SH3KBP1: variants seen among roughly 807,000 people sequenced by gnomAD.
SH3KBP1 encodes the protein SH3 domain-containing kinase-binding protein 1.
In SH3KBP1, 8 loss-of-function variants were observed where a neutral mutation model predicts 50.1. That is an observed-to-expected ratio of 0.16 (90% confidence interval 0.09 to 0.29). The LOEUF (loss-of-function observed/expected upper bound fraction) is 0.29. Among genes scored for constraint, SH3KBP1 ranks in the 10% least tolerant of loss-of-function variants. The pLI, the probability that SH3KBP1 is intolerant of heterozygous loss-of-function variation, is 1.00. For missense variants in SH3KBP1, 377 were observed against 535.2 expected (o/e 0.70, Z 2.92); for synonymous variants, 227 against 218.6 (o/e 1.04, Z -0.34).
intron 1 of SH3KBP1, among the ~76,000 whole-genome samples, chrX:19,880,865 G>C (rs941407639): frequency 9.8e-5 from 11 of 111,835 alleles, no homozygotes; most frequent in Non-Finnish European, 1.9e-4. Context: ...GCTGGGGTAC[G>C]AGTGAAGGAG....
At chrX:19,675,252 A>G (rs925073559) in intron 6 of SH3KBP1, among the ~76,000 whole-genome samples, 17 of 111,003 alleles carry the variant, frequency 1.5e-4, no homozygotes, top group African/African-American at 5.6e-4. Flanking sequence ...ATGTTACTTA[A>G]TCCTCACAAC....
At position 19,726,911 on chromosome X, in the gene SH3KBP1, GTTTATC is replaced by G. The variant is rs973866465; in HGVS notation, c.286+19401_286+19406del. Among the ~76,000 whole-genome samples the G allele has an allele frequency of 4.5e-5, 5 of 112,007 alleles. No individual in the cohort carries two copies. In the Admixed American group the frequency reaches 4.7e-4, roughly 11 times the overall value. Reference sequence around the variant, plus strand: ...ATTAATTTTTTACTTATTGTACTATGTTTATCTTTAACTAACAAATAAAAATGAAAA... The same window carrying G: ...ATTAATTTTTTACTTATTGTACTATGTTTAACTAACAAATAAAAATGAAAA... On this transcript the variant is annotated intron_variant, in intron 3 of 17. Coordinates refer to ENST00000397821, the MANE Select transcript of SH3KBP1 (RefSeq NM_031892.3).
At chrX:19,721,970 C>A (rs1309452642) in intron 3 of SH3KBP1, among the ~76,000 whole-genome samples, 1 of 111,744 alleles carries the variant, frequency 8.9e-6, no homozygotes, top group East Asian at 2.8e-4. Flanking sequence ...CCACTGCACT[C>A]CAGCCTGGGC....
chrX:19,877,270 A>G (rs377573374), intron 1 of SH3KBP1, among the ~76,000 whole-genome samples: 19 of 112,273 alleles, frequency 1.7e-4, no homozygotes, highest in Admixed American at 2.8e-4. Context: ...GGAGAAAGGC[A>G]AAGTTCATTT....
chrX:19,675,592 G>C (rs1351485648), intron 6 of SH3KBP1, among the ~76,000 whole-genome samples: 1 of 110,527 alleles, frequency 9.0e-6, no homozygotes, highest in Non-Finnish European at 1.9e-5. Flanking sequence ...TTTTAGTAGA[G>C]ACTGGGTTTC....
Position 19,869,308 on chromosome X carries a change from A to G in SH3KBP1, c.4+17999T>C, listed in dbSNP as rs188178162. 6.2e-5 allele frequency among the ~76,000 whole-genome samples: 7 copies of G among 112,734 alleles called. No individual in the cohort carries two copies. In the East Asian group the frequency reaches 1.9e-3, roughly 31 times the overall value. On this transcript the variant is annotated intron_variant, in intron 1 of 17. Transcript: ENST00000397821. ...TCTGCCTTCAGATTTTGCTGGGCAC[A>G]TGGTTACACAGCTGGAGCCTGTTTC... is the stretch of plus-strand genomic sequence containing the variant.
intron 14 of SH3KBP1, among the ~76,000 whole-genome samples, chrX:19,547,131 G>GAA (rs1695514739): frequency 9.7e-6 from 1 of 103,591 alleles, no homozygotes; most frequent in Non-Finnish European, 1.9e-5. Flanking sequence ...CTCCAGCCTG[G>GAA]ACAAAAGAGT....
intron 3 of SH3KBP1, among the ~76,000 whole-genome samples, chrX:19,711,720 C>A (rs1035630996): frequency 9.0e-6 from 1 of 110,700 alleles, no homozygotes; most frequent in Non-Finnish European, 1.9e-5. Context: ...ATCCTTACCA[C>A]ATACCTGGGG....
intron 3 of SH3KBP1, among the ~76,000 whole-genome samples, chrX:19,717,699 C>CTCAT (rs1186022618): frequency 8.9e-6 from 1 of 112,016 alleles, no homozygotes; most frequent in African/African-American, 3.3e-5. Flanking sequence ...AATTGACCAA[C>CTCAT]TCATTCTCCA....
Position 19,745,433 on chromosome X carries a change from A to G in SH3KBP1, c.286+885T>C, listed in dbSNP as rs1032460562. 2.7e-5 allele frequency among the ~76,000 whole-genome samples: 3 copies of G among 112,381 alleles called. 1 individual carries two copies. On this transcript the variant is annotated intron_variant, in intron 3 of 17. Transcript: ENST00000397821. ...TTATCCTGTCTAAATTTTATGAAAG[A>G]TTAGCTGTTCTTCCTCCCCATGGTT... is the stretch of plus-strand genomic sequence containing the variant.
At chrX:19,667,500 A>C (rs1343923402) in intron 6 of SH3KBP1, among the ~76,000 whole-genome samples, 1 of 110,874 alleles carries the variant, frequency 9.0e-6, no homozygotes, top group East Asian at 2.8e-4. Flanking sequence ...ATGGTGGCTC[A>C]TGTCTGCACT....
chrX:19,755,899 G>A (rs2148844082), intron 2 of SH3KBP1, among the ~76,000 whole-genome samples: 1 of 111,446 alleles, frequency 9.0e-6, no homozygotes, highest in African/African-American at 3.3e-5. Context: ...CCCCAGTCAC[G>A]TACCCCCTGC....
At chrX:19,698,304 T>C (rs2063467933) in intron 4 of SH3KBP1, among the ~76,000 whole-genome samples, 1 of 112,092 alleles carries the variant, frequency 8.9e-6, no homozygotes, top group Non-Finnish European at 1.9e-5. Context: ...CCCACTTAGT[T>C]TGAAGATGTC....
intron 1 of SH3KBP1, among the ~76,000 whole-genome samples, chrX:19,846,464 G>C (rs1255295109): frequency 8.9e-6 from 1 of 112,214 alleles, no homozygotes; most frequent in African/African-American, 3.2e-5. Context: ...ATATTTGACA[G>C]TGTTACATAA....
At chrX:19,695,782 G>A in intron 4 of SH3KBP1, 41 bp from the exon 5 acceptor site, 2 of 1,194,216 alleles carry the variant, frequency 1.7e-6, no homozygotes, top group Non-Finnish European at 2.3e-6. Flanking sequence ...ACATGGGTCA[G>A]GTTAGACATG....
At chrX:19,655,600 G>A (rs984537934) in intron 6 of SH3KBP1, among the ~76,000 whole-genome samples, 1 of 111,566 alleles carries the variant, frequency 9.0e-6, no homozygotes, top group African/African-American at 3.3e-5. Context: ...TTATTTATTA[G>A]AGGGAGCTAA....
At chrX:19,695,494 A>C in intron 5 of SH3KBP1, 118 bp downstream of exon 5, 1 of 944,743 alleles carries the variant, frequency 1.1e-6, no homozygotes, top group Non-Finnish European at 1.5e-6. Flanking sequence ...ATAACCAAAA[A>C]AATACTCGTA....
At chrX:19,847,460 A>T (rs36068457) in intron 1 of SH3KBP1, among the ~76,000 whole-genome samples, 17,158 of 98,515 alleles carry the variant, frequency 0.17, 1,089 homozygotes, top group African/African-American at 0.36. Flanking sequence ...GAAGCTGAGA[A>T]TCTGAGATGA....
intron 6 of SH3KBP1, among the ~76,000 whole-genome samples, chrX:19,667,378 C>G (rs550785974): frequency 8.9e-6 from 1 of 111,796 alleles, no homozygotes; most frequent in South Asian, 3.7e-4. Flanking sequence ...AATCCCAGCA[C>G]TTTGGAAGGC....
Sources: allele counts gnomAD v4.1 joint callset (sites outside exome capture counted in the v4.1 genomes callset), GRCh38; gene constraint gnomAD v4.1.1; transcripts MANE v1.5; gene names NCBI Gene and HGNC (gene_info 2026-07-23, HGNC 2026-07-21).